The following NTRK1 variants were observed in gnomAD, a reference collection of about 807,000 sequenced individuals.
NTRK1 encodes high affinity nerve growth factor receptor.
In NTRK1, 62 loss-of-function variants were observed where a neutral mutation model predicts 86.8. The ratio of observed to expected loss-of-function variants is 0.71; its 90% CI spans 0.58 to 0.88. The LOEUF (loss-of-function observed/expected upper bound fraction) is 0.88. Among genes scored for constraint, NTRK1 ranks in the 40% least tolerant of loss-of-function variants. The probability of loss-of-function intolerance (pLI) is 0.00; values close to 1 mark genes in which losing one functional copy is unlikely to be tolerated. For missense variants in NTRK1, 967 were observed against 1,078.4 expected, an observed-to-expected ratio of 0.90 and a Z score of 1.45; for synonymous variants, 469 against 456.6, an observed-to-expected ratio of 1.03 and a Z score of -0.35.
intron 1 of NTRK1, chr1:156,841,561 C>T (rs753787252): frequency 6.2e-7 from 1 of 1,613,872 alleles, no homozygotes; most frequent in East Asian, 2.2e-5. Context: ...GAGCCCAGCA[C>T]CCTTCGTGCT....
rs180942214 is a variant in NTRK1 at position 156,842,068 on chromosome 1, C to T, written c.-63-13C>T. On this transcript the variant is annotated splice_polypyrimidine_tract_variant and intron_variant, in intron 1 of 16. Transcript: ENST00000392302. ...CCTGATGCCTAGCTTAAGGGAGTCT[C>T]TCTACTTTTCAGGCCGCCCTCATCT... 4 of 1,611,358 alleles carry T rather than the reference C, an allele frequency of 2.5e-6. No individual in the cohort carries two copies. The South Asian group carries it at 3.3e-5, about 13-fold the overall frequency.
chr1:156,821,724 C>T (rs984864021), intron 1 of NTRK1, among the ~76,000 whole-genome samples: 3 of 152,186 alleles, frequency 2.0e-5, no homozygotes, highest in Admixed American at 6.5e-5. Context: ...TTTCACTTGG[C>T]AAGGAGGACT....
At position 156,849,218 on chromosome 1, in the gene NTRK1, T is replaced by C. The variant is rs753857015; in HGVS notation, c.50+7025T>C. The C allele has an allele frequency of 3.1e-5, 50 of 1,610,514 alleles. No homozygotes were observed. In the South Asian group the frequency reaches 5.3e-4, roughly 17 times the overall value. ...TGCGTGTCTAGTGTGTGGCCGCGTG[T>C]CCACCGGCACTGGGGTTGGGGTCTC... On this transcript the variant is annotated intron_variant, in intron 2 of 16. Coordinates refer to the NTRK1 transcript ENST00000392302.
At chr1:156,850,527 A>C (rs1222739084) in intron 2 of NTRK1, among the ~76,000 whole-genome samples, 2 of 140,934 alleles carry the variant, frequency 1.4e-5, no homozygotes, top group Admixed American at 7.1e-5. Flanking sequence ...TGGTAATTTA[A>C]AACATTCTTT....
Position 156,880,065 on chromosome 1 carries a change from A to T in NTRK1, c.2113A>T (p.Thr705Ser), listed in dbSNP as rs200935209. The T allele has an allele frequency of 1.2e-4, 198 of 1,612,044 alleles. 1 individual carries two copies. The highest frequency in any genetic ancestry group is 1.0e-4 in the Non-Finnish European group (122 of 1,179,608). Reference sequence around the variant, plus strand: ...CGAGAGCATCCTGTACCGTAAGTTCACCACCGAGAGCGACGTGTGGAGCTT... The same window carrying T: ...CGAGAGCATCCTGTACCGTAAGTTCTCCACCGAGAGCGACGTGTGGAGCTT... ...PPESILYRKF[T>S]TESDVWSFGV... Residue 705 changes from threonine to serine, a missense_variant, in exon 16 of 17, where the codon ACC (threonine) becomes TCC (serine). Coordinates refer to ENST00000524377, the MANE Select transcript of NTRK1 (RefSeq NM_002529.4).
chr1:156,855,096 T>C (rs533107561), intron 2 of NTRK1, among the ~76,000 whole-genome samples: 1 of 152,274 alleles, frequency 6.6e-6, no homozygotes, highest in African/African-American at 2.4e-5. Flanking sequence ...AGAATCCTCT[T>C]CCCTCTACAT....
Position 156,881,577 on chromosome 1 carries a change from G to A in NTRK1, c.2326G>A (p.Asp776Asn), listed in dbSNP as rs1215993132. 5.6e-6 allele frequency: 9 copies of A among 1,611,706 alleles called. 1 individual carries two copies. Among genetic ancestry groups the A allele is most frequent in the East Asian group, 2.2e-5 (1 of 44,828 alleles). Reference protein sequence around the residue: ...REPQQRHSIKDVHARLQALAQ... With the variant: ...REPQQRHSIKNVHARLQALAQ... ...GCCCCAGCAACGCCACAGCATCAAG[G>A]ATGTGCACGCCCGGCTGCAAGCCCT... The change falls in exon 17 of 17, where the codon GAT (aspartate) becomes AAT (asparagine). Residue 776 changes from aspartate (D) to asparagine (N), a missense_variant. Transcript: ENST00000524377.
Position 156,881,639 on chromosome 1 carries a change from C to A in NTRK1, c.2388C>A (p.Gly796=). 1 of 1,603,766 alleles carries A rather than the reference C, an allele frequency of 6.2e-7. No individual in the cohort carries two copies. The highest frequency in any genetic ancestry group is 8.5e-7 in the Non-Finnish European group (1 of 1,175,922). Residue 796 remains glycine, a synonymous_variant, in exon 17 of 17, where the codon GGC becomes GGA. Coordinates refer to ENST00000524377, the MANE Select transcript of NTRK1 (RefSeq NM_002529.4). ...CTCCTGTCTACCTGGATGTCCTGGG[C>A]TAGGGGGCCGGCCCAGGGGCTGGGA... ...QAPPVYLDVL[G] is the part of the protein sequence containing the mutation.
intron 1 of NTRK1, among the ~76,000 whole-genome samples, chr1:156,826,293 CTTTTTTTTTTT>C (rs386368405): frequency 1.1e-5 from 1 of 88,436 alleles, no homozygotes; most frequent in Non-Finnish European, 2.1e-5. Context: ...GACTTGAGCT[CTTTTTTTTTTT>C]TTTTTTTTTT....
At position 156,879,186 on chromosome 1, in the gene NTRK1, C is replaced by A. The variant is rs1648100030; in HGVS notation, c.1870C>A (p.Leu624Met). Reference sequence around the variant, plus strand: ...GGATGTGGCTCCAGGCCCCCTGGGTCTGGGGCAGCTGCTGGCCGTGGCTAG... The same window carrying A: ...GGATGTGGCTCCAGGCCCCCTGGGTATGGGGCAGCTGCTGGCCGTGGCTAG... ...GEDVAPGPLGLGQLLAVASQV... is the reference protein window; with the variant it reads ...GEDVAPGPLGMGQLLAVASQV... The change falls in exon 15 of 17, where the codon CTG becomes ATG. Residue 624 changes from leucine to methionine, a missense_variant. Transcript: ENST00000524377. 6.2e-7 allele frequency: 1 copy of A among 1,613,056 alleles called. No individual in the cohort carries two copies. The highest frequency in any genetic ancestry group is 1.3e-5 in the African/African-American group (1 of 74,880).
rs568055411 is a variant in NTRK1 at position 156,854,148 on chromosome 1, C to T, written c.51-10206C>T. ...TAGACACGGAAGAGCAGCAGGTAGT[C>T]GGTGACCTGGGTGAGGCGAGGGAAG... is the stretch of plus-strand genomic sequence containing the variant. On this transcript the variant is annotated intron_variant, in intron 2 of 16. Coordinates refer to the NTRK1 transcript ENST00000392302. This position sits in a 1 kb window ranked among gnomAD's most constrained non-coding sequence, Gnocchi z 4.2. 2.8e-5 allele frequency: 46 copies of T among 1,614,132 alleles called. No individual in the cohort carries two copies. The Admixed American group carries it at 3.5e-4, about 12-fold the overall frequency.
At chr1:156,860,556 C>A (rs1212241861), upstream of NTRK1, among the ~76,000 whole-genome samples, 1 of 152,224 alleles carries the variant, frequency 6.6e-6, no homozygotes, top group African/African-American at 2.4e-5. Context: ...GTCATCTTCC[C>A]TCCTCCCCAA....
chr1:156,862,557 A>C (rs750903138), intron 1 of NTRK1, among the ~76,000 whole-genome samples: 4 of 152,116 alleles, frequency 2.6e-5, no homozygotes, highest in African/African-American at 4.8e-5. Flanking sequence ...GTGAGCTGAG[A>C]TGTCCCCCTG....
chr1:156,862,691 G>A (rs1329713270), intron 1 of NTRK1, among the ~76,000 whole-genome samples: 11 of 152,050 alleles, frequency 7.2e-5, no homozygotes, highest in East Asian at 1.9e-4. Flanking sequence ...GAATCCAAAC[G>A]AATGAGGCAG....
chr1:156,867,487 T>C (rs1344215833), intron 4 of NTRK1, among the ~76,000 whole-genome samples: 3 of 152,196 alleles, frequency 2.0e-5, no homozygotes, highest in African/African-American at 7.2e-5. Flanking sequence ...ATTAGATTTC[T>C]TTCATTTTTA....
intron 1 of NTRK1, chr1:156,840,785 T>A: frequency 9.9e-7 from 1 of 1,009,124 alleles, no homozygotes; most frequent in Non-Finnish European, 1.5e-6. Context: ...TGAGTTGGGG[T>A]GGGGGTGAAC....
intron 14 of NTRK1, 146 bp downstream of exon 14, chr1:156,876,718 C>A: frequency 1.0e-6 from 1 of 1,003,370 alleles, no homozygotes; most frequent in Non-Finnish European, 1.5e-6. Context: ...CCAGGGAGCT[C>A]TGAGATGGTA....
At chr1:156,845,492 A>G in intron 2 of NTRK1, 2 of 1,506,066 alleles carry the variant, frequency 1.3e-6, no homozygotes, top group Non-Finnish European at 1.8e-6. Flanking sequence ...CGCCTCCAAA[A>G]GCACCCACAA....
rs2102909518 is a variant in NTRK1 at position 156,874,498 on chromosome 1, G to A, written c.1196-73G>A. 2.5e-6 allele frequency: 4 copies of A among 1,612,090 alleles called. No homozygotes were observed. In the South Asian group the frequency reaches 3.3e-5, roughly 13 times the overall value. On this transcript the variant is annotated intron_variant, in intron 9 of 16. Transcript: ENST00000524377. ...AACTGATCCCTGAGAGACCAGCTGGGGCCAGGGTTGGGGGGTTACTGGAGG... is the reference window on the plus strand; with the variant it reads ...AACTGATCCCTGAGAGACCAGCTGGAGCCAGGGTTGGGGGGTTACTGGAGG...
Sources: allele counts gnomAD v4.1 joint callset (sites outside exome capture counted in the v4.1 genomes callset), GRCh38; gene constraint gnomAD v4.1.1; non-coding constraint Gnocchi (gnomAD v3.1); transcripts MANE v1.5; gene names NCBI Gene and HGNC (gene_info 2026-07-23, HGNC 2026-07-21).